SEMA3D: variants seen among roughly 807,000 people sequenced by gnomAD.
The protein encoded by SEMA3D is semaphorin 3D, also known as semaphorin-3D.
In SEMA3D, 84 loss-of-function variants were observed where a neutral mutation model predicts 100.1. That is an observed-to-expected ratio of 0.84 (90% CI 0.70 to 1.01). The LOEUF (loss-of-function observed/expected upper bound fraction) is 1.01, where lower values mean the gene tolerates loss of function less well. Among genes scored for constraint, SEMA3D ranks in the 50% least tolerant of loss-of-function variants. SEMA3D has a pLI of 0.00. For missense variants in SEMA3D, 875 were observed against 934.1 expected (o/e 0.94, Z 0.82); for synonymous variants, 312 against 320.7 (o/e 0.97, Z 0.29).
chr7:85,117,266 A>G (rs1789268726), intron 3 of SEMA3D, among the ~76,000 whole-genome samples: 1 of 152,198 alleles, frequency 6.6e-6, no homozygotes, highest in Non-Finnish European at 1.5e-5. Flanking sequence ...CTACAACTGC[A>G]GCTGTCGTCT....
At chr7:85,178,407 T>C (rs1791300610) in intron 1 of SEMA3D, among the ~76,000 whole-genome samples, 1 of 152,158 alleles carries the variant, frequency 6.6e-6, no homozygotes, top group Admixed American at 6.5e-5. Flanking sequence ...ATGCTTATAA[T>C]GATATGAACA....
At chr7:85,136,855 C>T (rs985229217) in intron 2 of SEMA3D, among the ~76,000 whole-genome samples, 19 of 152,096 alleles carry the variant, frequency 1.2e-4, no homozygotes, top group African/African-American at 4.6e-4. Flanking sequence ...CATGCTTTAG[C>T]GGAAAGTGCT....
At chr7:85,135,864 C>A (rs150985299) in intron 2 of SEMA3D, among the ~76,000 whole-genome samples, 14 of 151,558 alleles carry the variant, frequency 9.2e-5, no homozygotes, top group Middle Eastern at 3.5e-3. Flanking sequence ...CTTCTCTCTT[C>A]CTGTGAATTG....
At chr7:85,172,046 G>A (rs1791099026) in intron 1 of SEMA3D, among the ~76,000 whole-genome samples, 1 of 151,760 alleles carries the variant, frequency 6.6e-6, no homozygotes, top group African/African-American at 2.4e-5. Flanking sequence ...ATATGTATGA[G>A]TAAAGGCTTC....
chr7:85,088,895 T>A (rs1462336116), intron 4 of SEMA3D, among the ~76,000 whole-genome samples: 1 of 152,190 alleles, frequency 6.6e-6, no homozygotes, highest in East Asian at 1.9e-4. Flanking sequence ...TCCCTTTCCC[T>A]TTTCCCGACT....
At chr7:85,071,990 C>G (rs1791786815) in intron 6 of SEMA3D, among the ~76,000 whole-genome samples, 1 of 152,084 alleles carries the variant, frequency 6.6e-6, no homozygotes, top group African/African-American at 2.4e-5. Context: ...TGTTGCAAGA[C>G]CATTTATTAG....
chr7:85,025,105 T>C (rs909959442), intron 12 of SEMA3D, among the ~76,000 whole-genome samples: 4 of 152,004 alleles, frequency 2.6e-5, no homozygotes, highest in Non-Finnish European at 5.9e-5. Flanking sequence ...TGTATGTACT[T>C]TTAATTTCTA....
At chr7:85,086,758 T>A (rs1331313780) in intron 4 of SEMA3D, among the ~76,000 whole-genome samples, 1 of 151,288 alleles carries the variant, frequency 6.6e-6, no homozygotes, top group Non-Finnish European at 1.5e-5. Context: ...AACTATAGGG[T>A]CATTGGGTAT....
At chr7:85,103,347 C>G (rs113646231) in intron 3 of SEMA3D, among the ~76,000 whole-genome samples, 1,554 of 152,094 alleles carry the variant, frequency 0.01, 28 homozygotes, top group African/African-American at 0.035. Context: ...CAATACACTT[C>G]AGAGCTTTTT....
chr7:85,020,517 A>G (rs1200725773), intron 13 of SEMA3D, among the ~76,000 whole-genome samples, 196 bp from the exon 14 acceptor site: 1 of 151,662 alleles, frequency 6.6e-6, no homozygotes, highest in Non-Finnish European at 1.5e-5. Flanking sequence ...TAGCTAGTAG[A>G]ACACCCATTT....
intron 3 of SEMA3D, among the ~76,000 whole-genome samples, chr7:85,103,537 C>T (rs1788814018): frequency 6.6e-6 from 1 of 151,958 alleles, no homozygotes; most frequent in Non-Finnish European, 1.5e-5. Context: ...AACAGCCCCA[C>T]CCTTCCTCGG....
intron 2 of SEMA3D, among the ~76,000 whole-genome samples, chr7:85,122,207 C>T (rs962183272): frequency 6.2e-5 from 9 of 145,140 alleles, no homozygotes; most frequent in African/African-American, 2.4e-4. Context: ...GCACGTTTTG[C>T]ACATGTATCC....
chr7:85,015,677 G>A (rs769667672), intron 15 of SEMA3D, among the ~76,000 whole-genome samples: 2 of 151,728 alleles, frequency 1.3e-5, no homozygotes, highest in Non-Finnish European at 2.9e-5. Flanking sequence ...TGTTATTAAA[G>A]TACTGATCCT....
At chr7:85,057,016 G>A (rs151140815) in intron 8 of SEMA3D, among the ~76,000 whole-genome samples, 4 of 151,082 alleles carry the variant, frequency 2.6e-5, no homozygotes, top group Admixed American at 6.6e-5. Flanking sequence ...TTATCATTAC[G>A]ATGACAATAT....
At chr7:85,138,123 T>G (rs1168555076) in intron 2 of SEMA3D, among the ~76,000 whole-genome samples, 1 of 152,120 alleles carries the variant, frequency 6.6e-6, no homozygotes, top group East Asian at 1.9e-4. Context: ...GGGCTCAAAG[T>G]AAAAGCATAA....
rs138925788 is a variant in SEMA3D, at chr7:85,063,769, C to T, written c.718+1655G>A. On this transcript the variant is annotated intron_variant, in intron 8 of 18. Transcript: ENST00000284136. ...TACCTTTAGAAAAACAAAATTCTGA[C>T]TCCTTGATTAAAAAGTAAGCCATCA... 1.4e-4 allele frequency among the ~76,000 whole-genome samples: 21 copies of T among 152,236 alleles called. No individual in the cohort carries two copies. In the East Asian group the frequency reaches 2.5e-3, roughly 18 times the overall value.
intron 1 of SEMA3D, among the ~76,000 whole-genome samples, chr7:85,165,249 AAAG>A (rs1198479316): frequency 6.9e-6 from 1 of 144,000 alleles, no homozygotes; most frequent in Admixed American, 7.0e-5. Flanking sequence ...TAAATTAAAA[AAAG>A]AAATATAGAA....
intron 2 of SEMA3D, among the ~76,000 whole-genome samples, chr7:85,132,471 A>G (rs1268089551): frequency 1.3e-5 from 2 of 151,954 alleles, no homozygotes; most frequent in Non-Finnish European, 2.9e-5. Flanking sequence ...TTTGTAGCAT[A>G]CCAAGAGTTG....
the SEMA3D span, among the ~76,000 whole-genome samples, chr7:85,197,625 T>C: frequency 4.6e-5 from 7 of 152,290 alleles, no homozygotes; most frequent in Non-Finnish European, 8.8e-5. Flanking sequence ...TCCTGAGGGC[T>C]GTGTCATGGG....
Sources: gnomAD v4.1 joint callset for allele counts (sites outside exome capture counted in the v4.1 genomes callset) on GRCh38, gnomAD v4.1.1 for gene constraint, MANE v1.5 for transcripts, NCBI Gene and HGNC (gene_info 2026-07-23, HGNC 2026-07-21) for gene names.